The following MDGA2 variants were observed in gnomAD, a reference collection of about 807,000 sequenced individuals.
MDGA2 encodes MAM domain containing glycosylphosphatidylinositol anchor 2, also known as MAM domain-containing glycosylphosphatidylinositol anchor protein 2.
MDGA2 carries 40 observed loss-of-function variants against 117.8 expected under a neutral mutation model. That is an observed-to-expected ratio of 0.34 (90% CI 0.26 to 0.44). MDGA2 has a LOEUF of 0.44. MDGA2 is among the 20% of genes least tolerant of loss of function. The pLI is 1.00. For missense variants in MDGA2, 1,123 were observed against 1,250.6 expected, an observed-to-expected ratio of 0.90 and a Z score of 1.54; for synonymous variants, 452 against 439.0, an observed-to-expected ratio of 1.03 and a Z score of -0.37.
intron 1 of MDGA2, among the ~76,000 whole-genome samples, chr14:47,363,004 T>C (rs1414350387): frequency 6.6e-6 from 1 of 152,190 alleles, no homozygotes; most frequent in Non-Finnish European, 1.5e-5. Flanking sequence ...AATAATTTGG[T>C]CATACTAACA....
intron 9 of MDGA2, among the ~76,000 whole-genome samples, chr14:46,943,168 T>C (rs1437371119): frequency 6.6e-6 from 1 of 152,090 alleles, no homozygotes; most frequent in Non-Finnish European, 1.5e-5. Context: ...TTACTCTATC[T>C]TGAAGTCTAC....
At chr14:47,497,882 C>A (rs935461748) in intron 1 of MDGA2, among the ~76,000 whole-genome samples, 1 of 152,058 alleles carries the variant, frequency 6.6e-6, no homozygotes, top group African/African-American at 2.4e-5. Context: ...TAACTTCTGA[C>A]GTCTACAAAT....
chr14:47,267,139 T>TATAG (rs1167455342), intron 2 of MDGA2, among the ~76,000 whole-genome samples: 1 of 152,130 alleles, frequency 6.6e-6, no homozygotes, highest in African/African-American at 2.4e-5. Context: ...TAACCATGTC[T>TATAG]ATAGATACAA....
intron 6 of MDGA2, among the ~76,000 whole-genome samples, chr14:47,088,474 T>C (rs1890990715): frequency 6.6e-6 from 1 of 152,292 alleles, no homozygotes; most frequent in South Asian, 2.1e-4. Flanking sequence ...ATAGTTTTAA[T>C]AATGAAAGAT....
intron 1 of MDGA2, among the ~76,000 whole-genome samples, chr14:47,493,648 G>C (rs532478631): frequency 1.3e-5 from 2 of 151,852 alleles, no homozygotes; most frequent in Non-Finnish European, 2.9e-5. Context: ...TTAAGTATCT[G>C]TTTGAATAAT....
intron 9 of MDGA2, among the ~76,000 whole-genome samples, chr14:46,946,975 T>A (rs1885191527): frequency 6.6e-6 from 1 of 152,120 alleles, no homozygotes; most frequent in South Asian, 2.1e-4. Context: ...TGAATGATTA[T>A]GAATAAAATA....
At chr14:47,394,413 T>G (rs1891962783) in intron 1 of MDGA2, among the ~76,000 whole-genome samples, 1 of 152,126 alleles carries the variant, frequency 6.6e-6, no homozygotes, top group East Asian at 1.9e-4. Flanking sequence ...ATATTTACCA[T>G]TAAGAAACCA....
chr14:47,440,305 T>C (rs1043322680), intron 1 of MDGA2, among the ~76,000 whole-genome samples: 1 of 152,124 alleles, frequency 6.6e-6, no homozygotes, highest in Non-Finnish European at 1.5e-5. Flanking sequence ...ATCTCTGAAG[T>C]GTGATCTCCA....
intron 7 of MDGA2, among the ~76,000 whole-genome samples, chr14:47,046,027 T>C (rs954732673): frequency 1.4e-5 from 2 of 144,786 alleles, no homozygotes; most frequent in East Asian, 4.5e-4. Flanking sequence ...GGGGGAGGGA[T>C]AGCATTAGGT....
chr14:47,204,491 A>G (rs1233664475), intron 3 of MDGA2, among the ~76,000 whole-genome samples: 1 of 152,016 alleles, frequency 6.6e-6, no homozygotes, highest in Non-Finnish European at 1.5e-5. Flanking sequence ...CAGTTACTTC[A>G]TTTTAGGTAT....
intron 1 of MDGA2, among the ~76,000 whole-genome samples, chr14:47,426,313 ATTT>A (rs890548295): frequency 6.6e-6 from 1 of 151,882 alleles, no homozygotes; most frequent in Non-Finnish European, 1.5e-5. Flanking sequence ...TTCTATTATT[ATTT>A]ATCTTGTTGA....
chr14:46,976,594 T>C (rs562317897), intron 8 of MDGA2, among the ~76,000 whole-genome samples: 70 of 151,998 alleles, frequency 4.6e-4, no homozygotes, highest in African/African-American at 1.6e-3. Flanking sequence ...TTTGAAAATA[T>C]AAAAAGGTTG....
chr14:47,464,299 A>T (rs925509983), intron 1 of MDGA2, among the ~76,000 whole-genome samples: 1 of 152,174 alleles, frequency 6.6e-6, no homozygotes, highest in Non-Finnish European at 1.5e-5. Context: ...TGAATTAAAT[A>T]TTTAAATTAA....
intron 1 of MDGA2, among the ~76,000 whole-genome samples, chr14:47,641,809 T>C (rs1264224541): frequency 6.6e-6 from 1 of 152,130 alleles, no homozygotes. Context: ...GCACTGCATA[T>C]AAAATGCCAT....
At chr14:47,645,752 G>A (rs1897517984) in intron 1 of MDGA2, among the ~76,000 whole-genome samples, 1 of 151,776 alleles carries the variant, frequency 6.6e-6, no homozygotes, top group African/African-American at 2.4e-5. Context: ...TAACAAAACA[G>A]ATTAACAATA....
At chr14:47,246,383 C>T (rs1303571455) in intron 2 of MDGA2, among the ~76,000 whole-genome samples, 4 of 151,730 alleles carry the variant, frequency 2.6e-5, no homozygotes, top group African/African-American at 9.7e-5. Flanking sequence ...CATTTGAAGG[C>T]TGCTGGGAGA....
rs1336584750 is a variant in MDGA2, at chr14:47,310,524, C to CTTGTAGGTATT, written c.281-8975_281-8974insAATACCTACAA. 2.6e-5 allele frequency among the ~76,000 whole-genome samples: 4 copies of CTTGTAGGTATT among 152,060 alleles called. No individual in the cohort carries two copies. The East Asian group carries it at 7.8e-4, about 30-fold the overall frequency. ...GACTTGTATAAACTAAGTGGAATAC[C>CTTGTAGGTATT]CCAACTTGAAGGTAAATATTGTAGG... is the stretch of plus-strand genomic sequence containing the variant. On this transcript the variant is annotated intron_variant, in intron 1 of 16. Coordinates refer to ENST00000399232, the MANE Select transcript of MDGA2 (RefSeq NM_001113498.3).
intron 3 of MDGA2, among the ~76,000 whole-genome samples, chr14:47,181,025 A>C (rs1019618652): frequency 1.3e-5 from 2 of 152,194 alleles, no homozygotes; most frequent in African/African-American, 4.8e-5. Flanking sequence ...AGTGTAAGTA[A>C]GTTCAACCAT....
chr14:46,939,850 G>C (rs1441443127), intron 9 of MDGA2, among the ~76,000 whole-genome samples: 1 of 152,170 alleles, frequency 6.6e-6, no homozygotes. Flanking sequence ...GCTGTCCAAA[G>C]TCCATTTTAC....
Sources: gnomAD v4.1 joint callset for allele counts (sites outside exome capture counted in the v4.1 genomes callset) on GRCh38, gnomAD v4.1.1 for gene constraint, MANE v1.5 for transcripts, NCBI Gene and HGNC (gene_info 2026-07-23, HGNC 2026-07-21) for gene names.